Variants in SPTLC3 observed in about 807,000 individuals in gnomAD.
SPTLC3 encodes serine palmitoyltransferase 3.
SPTLC3 carries 36 observed loss-of-function variants against 59.3 expected under a neutral mutation model. That is an observed-to-expected ratio of 0.61 (90% CI 0.47 to 0.80). SPTLC3 has a LOEUF of 0.80. SPTLC3 is among the 30% of genes least tolerant of loss of function. The pLI, the probability that SPTLC3 is intolerant of heterozygous loss-of-function variation, is 0.00. For synonymous variants in SPTLC3, 257 were observed against 240.8 expected (o/e 1.07, Z -0.62); for missense variants, 625 against 685.1 (o/e 0.91, Z 0.98).
At chr20:13,011,046 T>G (rs886902018) in intron 1 of SPTLC3, among the ~76,000 whole-genome samples, 2 of 152,196 alleles carry the variant, frequency 1.3e-5, no homozygotes, top group African/African-American at 4.8e-5. Flanking sequence ...CAGAGCCTCT[T>G]GTCTCAGACA....
intron 1 of SPTLC3, among the ~76,000 whole-genome samples, chr20:13,013,790 A>G (rs1243238639): frequency 2.0e-5 from 3 of 152,222 alleles, no homozygotes; most frequent in African/African-American, 7.2e-5. Flanking sequence ...ATTCCTATGT[A>G]ACAGCCAGTC....
At chr20:13,020,393 G>A (rs1600207459) in intron 1 of SPTLC3, among the ~76,000 whole-genome samples, 1 of 151,992 alleles carries the variant, frequency 6.6e-6, no homozygotes, top group East Asian at 1.9e-4. Context: ...TGGACGTGGT[G>A]GCATGCATCT....
At chr20:13,159,922 C>A in intron 10 of SPTLC3, 81 bp from the exon 11 acceptor site, 3 of 1,435,790 alleles carry the variant, frequency 2.1e-6, no homozygotes, top group South Asian at 3.2e-5. Context: ...AATCAATTAG[C>A]CATATTCCTT....
intron 2 of SPTLC3, among the ~76,000 whole-genome samples, chr20:13,056,747 T>C (rs1419566596): frequency 6.6e-6 from 1 of 151,022 alleles, no homozygotes; most frequent in African/African-American, 2.4e-5. Flanking sequence ...TAATCTTTTT[T>C]TTTTTTTTTT....
At chr20:13,128,863 C>T (rs1254258588) in intron 9 of SPTLC3, among the ~76,000 whole-genome samples, 1 of 141,554 alleles carries the variant, frequency 7.1e-6, no homozygotes, top group Non-Finnish European at 1.5e-5. Context: ...CACCACCATG[C>T]CCAGCTAATT....
intron 2 of SPTLC3, among the ~76,000 whole-genome samples, chr20:13,058,733 G>A (rs1015349901): frequency 1.3e-5 from 2 of 152,186 alleles, no homozygotes. Flanking sequence ...CTGCTTCAAT[G>A]GTTTTGGGTG....
intron 2 of SPTLC3, among the ~76,000 whole-genome samples, chr20:13,060,263 C>T (rs564134501): frequency 5.6e-4 from 85 of 152,230 alleles, no homozygotes; most frequent in Non-Finnish European, 1.0e-3. Flanking sequence ...ATTCAGTATA[C>T]GCAAAATCGC....
chr20:13,160,616 G>T (rs1191405913), intron 11 of SPTLC3, among the ~76,000 whole-genome samples: 1 of 152,182 alleles, frequency 6.6e-6, no homozygotes, highest in South Asian at 2.1e-4. Flanking sequence ...ATTGTCCCTC[G>T]ATTTCCATTG....
rs146063656 is a variant in SPTLC3 at position 13,010,335 on chromosome 20, G to A, written c.117+951G>A. 2.9e-3 allele frequency among the ~76,000 whole-genome samples: 435 copies of A among 152,278 alleles called. 4 individuals carry two copies. The highest frequency in any genetic ancestry group is 0.01 in the African/African-American group (420 of 41,550). On this transcript the variant is annotated intron_variant, in intron 1 of 11. Coordinates refer to ENST00000399002, the MANE Select transcript of SPTLC3 (RefSeq NM_018327.4). ...CTTCCATCATTTGATCATCCAGAGA[G>A]CAAGTATCCACCCACAGGAAAGGCA...
At chr20:13,088,311 T>C (rs976236249) in intron 4 of SPTLC3, among the ~76,000 whole-genome samples, 1 of 152,096 alleles carries the variant, frequency 6.6e-6, no homozygotes, top group East Asian at 1.9e-4. Context: ...TGTTTTTTGT[T>C]GTTGTTGTTG....
intron 9 of SPTLC3, among the ~76,000 whole-genome samples, chr20:13,134,336 A>G (rs1269484325): frequency 6.6e-6 from 1 of 152,222 alleles, no homozygotes; most frequent in Non-Finnish European, 1.5e-5. Flanking sequence ...CATCAAGGAC[A>G]ACTTCTTTCT....
intron 9 of SPTLC3, among the ~76,000 whole-genome samples, chr20:13,134,758 C>T (rs892767766): frequency 6.6e-6 from 1 of 150,438 alleles, no homozygotes; most frequent in South Asian, 2.1e-4. Flanking sequence ...AGGTAAAGGA[C>T]CTAGCAAAAA....
At chr20:13,164,402 A>G (rs993040595) in intron 11 of SPTLC3, 1 of 478,804 alleles carries the variant, frequency 2.1e-6, no homozygotes, top group African/African-American at 2.0e-5. Context: ...GCATTCTGCA[A>G]CCTTATCTTT....
At chr20:13,014,650 GA>G (rs1436834270) in intron 1 of SPTLC3, among the ~76,000 whole-genome samples, 1 of 152,030 alleles carries the variant, frequency 6.6e-6, no homozygotes, top group Non-Finnish European at 1.5e-5. Context: ...AAGCACAGAG[GA>G]AAAATAGTGA....
intron 2 of SPTLC3, among the ~76,000 whole-genome samples, chr20:13,053,046 A>G (rs1272241608): frequency 1.3e-5 from 2 of 152,182 alleles, no homozygotes; most frequent in African/African-American, 2.4e-5. Flanking sequence ...AGCTCTGCTA[A>G]AGGACAGACT....
Position 13,077,635 on chromosome 20 carries a change from C to T in SPTLC3, c.607+3138C>T, listed in dbSNP as rs1338995787. On this transcript the variant is annotated intron_variant, in intron 4 of 11. Transcript: ENST00000399002. ...TACATAGAGGAAAATATAAGTCTTA[C>T]TTTACTAAGCAGGAAAGATGAAAGC... is the stretch of plus-strand genomic sequence containing the variant. 3.9e-5 allele frequency among the ~76,000 whole-genome samples: 6 copies of T among 152,190 alleles called. No homozygotes were observed. In the East Asian group the frequency reaches 1.2e-3, roughly 29 times the overall value.
chr20:13,044,428 T>A (rs1442393360), intron 1 of SPTLC3, among the ~76,000 whole-genome samples: 1 of 152,152 alleles, frequency 6.6e-6, no homozygotes, highest in African/African-American at 2.4e-5. Flanking sequence ...GATCAATATA[T>A]CCTAGGTCAA....
intron 8 of SPTLC3, among the ~76,000 whole-genome samples, chr20:13,123,260 G>A (rs1424264186): frequency 3.3e-5 from 5 of 151,868 alleles, no homozygotes; most frequent in Non-Finnish European, 7.4e-5. Flanking sequence ...GAGCCCAGGA[G>A]ACGAAGGTTG....
intron 1 of SPTLC3, among the ~76,000 whole-genome samples, chr20:13,032,827 AG>A (rs1350163255): frequency 6.6e-6 from 1 of 152,158 alleles, no homozygotes; most frequent in Non-Finnish European, 1.5e-5. Context: ...CTGACTTCTC[AG>A]GTGGTGAATG....
Sources: gnomAD v4.1 joint callset for allele counts (sites outside exome capture counted in the v4.1 genomes callset) on GRCh38, gnomAD v4.1.1 for gene constraint, MANE v1.5 for transcripts, NCBI Gene and HGNC (gene_info 2026-07-23, HGNC 2026-07-21) for gene names.